The following ZNF254 variants were observed in gnomAD, a reference collection of about 807,000 sequenced individuals.
ZNF254 encodes the protein CTD-2017D11.1.
A neutral mutation model predicts 12.4 loss-of-function variants in ZNF254; 10 were observed. That is an observed-to-expected ratio of 0.80 (90% CI 0.50 to 1.36). The LOEUF (loss-of-function observed/expected upper bound fraction) is 1.36. ZNF254 is among the 40% of genes most tolerant of loss of function. The pLI, the probability that ZNF254 is intolerant of heterozygous loss-of-function variation, is 0.00. For missense variants in ZNF254, 996 were observed against 763.9 expected, an observed-to-expected ratio of 1.30 and a Z score of -3.58; for synonymous variants, 305 against 253.4, an observed-to-expected ratio of 1.20 and a Z score of -1.93.
chr19:24,121,689 C>T (rs1974494970), intron 3 of ZNF254, among the ~76,000 whole-genome samples: 2 of 152,100 alleles, frequency 1.3e-5, no homozygotes, highest in African/African-American at 4.8e-5. Flanking sequence ...TCCCAATTAG[C>T]TGGGATTACA....
At chr19:24,038,967 C>G (rs541387080) in intron 1 of ZNF254, among the ~76,000 whole-genome samples, 1 of 152,204 alleles carries the variant, frequency 6.6e-6, no homozygotes, top group Non-Finnish European at 1.5e-5. Context: ...ATTCTCTTGT[C>G]CAAATGCCTA....
At chr19:24,072,245 C>T (rs550987142) in intron 2 of ZNF254, among the ~76,000 whole-genome samples, 2 of 151,662 alleles carry the variant, frequency 1.3e-5, no homozygotes, top group Admixed American at 6.6e-5. Flanking sequence ...GATCTCGGCT[C>T]ACTGCAACAG....
chr19:24,090,154 C>A (rs531458380), intron 1 of ZNF254, among the ~76,000 whole-genome samples: 1 of 151,858 alleles, frequency 6.6e-6, no homozygotes, highest in South Asian at 2.1e-4. Flanking sequence ...GTGGATATCA[C>A]GCCACTGCAC....
intron 2 of ZNF254, chr19:24,066,703 CAAA>C (rs1243748182): frequency 2.8e-5 from 4 of 143,640 alleles, no homozygotes; most frequent in African/African-American, 1.2e-4. Flanking sequence ...CAAAACAAAA[CAAA>C]ACAAAACAAA....
chr19:24,058,995 C>G (rs1462241455), intron 2 of ZNF254, among the ~76,000 whole-genome samples: 1 of 152,238 alleles, frequency 6.6e-6, no homozygotes, highest in Non-Finnish European at 1.5e-5. Flanking sequence ...GGCCCAGTAC[C>G]TGGCTGGTGT....
intron 3 of ZNF254, among the ~76,000 whole-genome samples, chr19:24,118,398 G>T (rs1178426177): frequency 6.6e-6 from 1 of 152,036 alleles, no homozygotes; most frequent in Non-Finnish European, 1.5e-5. Flanking sequence ...TTAAAAAATT[G>T]ATAGTGGTCA....
chr19:24,105,318 A>G (rs1275584987), intron 1 of ZNF254: 2 of 173,336 alleles, frequency 1.2e-5, no homozygotes, highest in Non-Finnish European at 2.4e-5. Context: ...TCTTTGGTAA[A>G]TGAAAGCTCT....
At chr19:24,118,287 C>G (rs1304836032) in intron 3 of ZNF254, among the ~76,000 whole-genome samples, 2 of 152,018 alleles carry the variant, frequency 1.3e-5, no homozygotes, top group East Asian at 3.9e-4. Flanking sequence ...CTCCTGACCT[C>G]AAAATCCGCC....
In ZNF254 at chr19:24,126,529, A is replaced by G. The variant is rs750121982; in HGVS notation, c.529A>G (p.Thr177Ala). 17 of 1,600,106 alleles carry G rather than the reference A, an allele frequency of 1.1e-5. No individual in the cohort carries two copies. Among genetic ancestry groups the G allele is most frequent in the Admixed American group, 1.8e-5 (1 of 56,406 alleles). Residue 177 changes from threonine (T) to alanine (A), a missense_variant, in exon 4 of 4, where the codon ACT becomes GCT. Thr to Ala is a moderately conservative substitution (Grantham distance 58). Transcript: ENST00000357002. ...TTCAAACAGACCTAAGATAAGACAT[A>G]CTGAAAAGAAATCTTTCAAATGTAA... ...LNSNRPKIRH[T>A]EKKSFKCKKR... is the part of the protein sequence containing the mutation.
At chr19:24,053,372 C>T (rs564217443) in intron 2 of ZNF254, among the ~76,000 whole-genome samples, 5 of 152,194 alleles carry the variant, frequency 3.3e-5, no homozygotes, top group Admixed American at 2.0e-4. Flanking sequence ...TCTCATACCT[C>T]GACCTTAATT....
intron 2 of ZNF254, among the ~76,000 whole-genome samples, chr19:24,078,011 G>A (rs1412910322): frequency 1.3e-5 from 2 of 152,206 alleles, no homozygotes; most frequent in Non-Finnish European, 2.9e-5. Context: ...ATGAGACTGT[G>A]GAACTTCACC....
At chr19:24,075,476 G>GC (rs2145531350) in intron 2 of ZNF254, among the ~76,000 whole-genome samples, 1 of 152,256 alleles carries the variant, frequency 6.6e-6, no homozygotes, top group Non-Finnish European at 1.5e-5. Context: ...GTTCCACGAT[G>GC]CCCCCGAGCC....
At chr19:24,042,412 T>C (rs953458672) in intron 1 of ZNF254, among the ~76,000 whole-genome samples, 7 of 152,206 alleles carry the variant, frequency 4.6e-5, no homozygotes, top group Non-Finnish European at 8.8e-5. Context: ...CCTTCCACAC[T>C]GTGGAAACTT....
At chr19:24,071,363 C>G (rs1160989829) in intron 2 of ZNF254, among the ~76,000 whole-genome samples, 1 of 152,160 alleles carries the variant, frequency 6.6e-6, no homozygotes, top group Non-Finnish European at 1.5e-5. Context: ...GCCTACTAAA[C>G]AAGATGATAT....
At chr19:24,080,890 C>T (rs1195044254) in intron 2 of ZNF254, among the ~76,000 whole-genome samples, 1 of 151,348 alleles carries the variant, frequency 6.6e-6, no homozygotes, top group Admixed American at 6.6e-5. Context: ...CCAGCCTGAG[C>T]AACAAGGAGA....
intron 3 of ZNF254, among the ~76,000 whole-genome samples, chr19:24,118,491 A>C (rs968552430): frequency 6.6e-6 from 1 of 152,042 alleles, no homozygotes; most frequent in Admixed American, 6.5e-5. Flanking sequence ...GTGTCCTTTC[A>C]AATTTTTTGT....
intron 2 of ZNF254, among the ~76,000 whole-genome samples, chr19:24,052,115 A>T (rs904806128): frequency 2.6e-5 from 4 of 151,818 alleles, no homozygotes; most frequent in Admixed American, 2.6e-4. Context: ...AGGTGATGTG[A>T]CTCTTCTCTA....
chr19:24,051,497 TTG>T (rs1396451039), intron 2 of ZNF254, among the ~76,000 whole-genome samples: 1 of 152,208 alleles, frequency 6.6e-6, no homozygotes, highest in Non-Finnish European at 1.5e-5. Flanking sequence ...TCTTGGGGTA[TTG>T]TGATATATTG....
chr19:24,043,386 C>T (rs993159074), intron 1 of ZNF254, among the ~76,000 whole-genome samples: 8 of 152,186 alleles, frequency 5.3e-5, no homozygotes, highest in South Asian at 2.1e-4. Context: ...CTCAGCCTCC[C>T]GAGTAGCTGG....
Sources: gnomAD v4.1 joint callset for allele counts (sites outside exome capture counted in the v4.1 genomes callset) on GRCh38, gnomAD v4.1.1 for gene constraint, MANE v1.5 for transcripts, NCBI Gene and HGNC (gene_info 2026-07-23, HGNC 2026-07-21) for gene names.